Variants in CTPS2 observed in about 807,000 individuals in gnomAD.
The protein encoded by CTPS2 is CTP synthase 2, also known as CTP synthase II.
CTPS2 carries 19 observed loss-of-function variants against 46.8 expected under a neutral mutation model. That is an observed-to-expected ratio of 0.41 (90% CI 0.28 to 0.60). CTPS2 has a LOEUF of 0.60. Among genes scored for constraint, CTPS2 ranks in the 20% least tolerant of loss-of-function variants. The pLI is 0.35. For missense variants in CTPS2, 286 were observed against 447.6 expected (o/e 0.64, Z 3.26); for synonymous variants, 151 against 165.2 (o/e 0.91, Z 0.66).
At chrX:16,710,762 G>A (rs933148717) in intron 1 of CTPS2, among the ~76,000 whole-genome samples, 1 of 111,564 alleles carries the variant, frequency 9.0e-6, no homozygotes, top group African/African-American at 3.3e-5. Context: ...GGGACTACAG[G>A]TGCATGCCAC....
intron 17 of CTPS2, among the ~76,000 whole-genome samples, chrX:16,597,465 C>G (rs146952410): frequency 0.094 from 10,456 of 111,468 alleles, 878 homozygotes; most frequent in African/African-American, 0.26. Flanking sequence ...TTTCCCCATT[C>G]CTTGTTTTTC....
chrX:16,657,929 G>T (rs1445830172), intron 13 of CTPS2, among the ~76,000 whole-genome samples: 1 of 111,722 alleles, frequency 9.0e-6, no homozygotes, highest in Non-Finnish European at 1.9e-5. Context: ...AAGGTGGCCG[G>T]GCGCAGTGGC....
intron 13 of CTPS2, among the ~76,000 whole-genome samples, chrX:16,643,890 G>A (rs779548162): frequency 1.8e-5 from 2 of 111,040 alleles, no homozygotes; most frequent in Non-Finnish European, 3.8e-5. Context: ...CTTTTCCCAA[G>A]ATACCTTCTC....
rs145180696 is a variant in CTPS2, at chrX:16,644,045, T to C, written c.1297-4802A>G. ...TAACTCATAGTAGGAGACTGAATAATGCCTCCCCTACCCTAAAGATATCCG... is the reference window on the plus strand; with the variant it reads ...TAACTCATAGTAGGAGACTGAATAACGCCTCCCCTACCCTAAAGATATCCG... On this transcript the variant is annotated intron_variant, in intron 13 of 18. Transcript: ENST00000359276. Among the ~76,000 whole-genome samples, 387 of 111,804 alleles carry C rather than the reference T, an allele frequency of 3.5e-3. 2 individuals are homozygous for C. The highest frequency in any genetic ancestry group is 0.011 in the African/African-American group (352 of 30,835).
chrX:16,670,231 G>C (rs1921630328), intron 11 of CTPS2, among the ~76,000 whole-genome samples: 1 of 111,908 alleles, frequency 8.9e-6, no homozygotes, highest in Non-Finnish European at 1.9e-5. Context: ...AGTTCTCCTA[G>C]GATGAGAAAC....
At chrX:16,615,366 T>C (rs768981137) in intron 16 of CTPS2, among the ~76,000 whole-genome samples, 2 of 111,181 alleles carry the variant, frequency 1.8e-5, no homozygotes, top group African/African-American at 3.3e-5. Context: ...AAAGCAGCCA[T>C]AGACAAGACA....
chrX:16,598,782 T>C (rs1460755680), intron 17 of CTPS2, among the ~76,000 whole-genome samples: 4 of 111,445 alleles, frequency 3.6e-5, no homozygotes, highest in East Asian at 2.8e-4. Context: ...CCAATATCCT[T>C]GATGAACATT....
intron 14 of CTPS2, among the ~76,000 whole-genome samples, chrX:16,628,881 G>C (rs1602160172): frequency 8.9e-6 from 1 of 111,965 alleles, no homozygotes; most frequent in Admixed American, 9.5e-5. Context: ...TTTGCCCCAA[G>C]CTTTGAGAAG....
intron 16 of CTPS2, among the ~76,000 whole-genome samples, chrX:16,610,292 C>T: frequency 9.0e-6 from 1 of 110,941 alleles, no homozygotes; most frequent in Non-Finnish European, 1.9e-5. Context: ...ATGACTCAAA[C>T]TAAAGATAAT....
chrX:16,627,323 G>A (rs1057168435), intron 14 of CTPS2, among the ~76,000 whole-genome samples: 10 of 112,415 alleles, frequency 8.9e-5, no homozygotes, highest in Admixed American at 1.9e-4. Context: ...AAGATCCTAA[G>A]AGGCTGCCCA....
At chrX:16,606,342 C>T (rs1233261399) in intron 17 of CTPS2, among the ~76,000 whole-genome samples, 2 of 112,036 alleles carry the variant, frequency 1.8e-5, no homozygotes, top group Non-Finnish European at 3.8e-5. Context: ...CTTTTCAAAG[C>T]TCACTAATCT....
rs1922879288 is a variant in CTPS2 at position 16,683,159 on chromosome X, A to C, written c.940T>G (p.Tyr314Asp). 8.3e-7 allele frequency: 1 copy of C among 1,208,140 alleles called. No individual in the cohort carries two copies. The highest frequency in any genetic ancestry group is 1.1e-6 in the Non-Finnish European group (1 of 893,530). ...VGKYTKLRDC[Y>D]ASVFKALEHS... ...TCCAGGGCTTTGAACACAGAGGCGT[A>C]GCAGTCTCTGAGCTTGGTGTATTTG... The change falls in exon 9 of 19, where the codon TAC becomes GAC. Residue 314 changes from tyrosine to aspartate, a missense_variant. Transcript: ENST00000359276.
intron 10 of CTPS2, among the ~76,000 whole-genome samples, chrX:16,675,079 A>T (rs1179938417): frequency 9.1e-6 from 1 of 109,666 alleles, no homozygotes; most frequent in Non-Finnish European, 1.9e-5. Context: ...CAGCCTGGCC[A>T]ACATGGTGAA....
At position 16,620,370 on chromosome X, in the gene CTPS2, G is replaced by A. The variant is rs6629159; in HGVS notation, c.1394-38C>T. On this transcript the variant is annotated intron_variant, in intron 14 of 18. Coordinates refer to ENST00000359276, the MANE Select transcript of CTPS2 (RefSeq NM_175859.3). ...AAGAGCGAGATTAATATTAGAGTAA[G>A]CAGCTTCACAAGCACATCCATGATG... The A allele has an allele frequency of 2.9e-6, 3 of 1,041,939 alleles. No individual in the cohort carries two copies. In the African/African-American group the frequency reaches 5.5e-5, roughly 19 times the overall value. 85.9% of individuals were successfully genotyped at this position (1,041,939 alleles called of 1,213,427 possible).
intron 13 of CTPS2, among the ~76,000 whole-genome samples, chrX:16,647,402 G>T (rs1363947429): frequency 1.9e-5 from 2 of 107,236 alleles, no homozygotes; most frequent in African/African-American, 6.8e-5. Flanking sequence ...CGAGTAGCTG[G>T]AATTACAAAC....
intron 1 of CTPS2, 89 bp downstream of exon 1, chrX:16,712,246 G>T (rs1925520968): frequency 8.9e-6 from 1 of 112,522 alleles, no homozygotes; most frequent in South Asian, 3.6e-4. Flanking sequence ...ACCGGGGCTG[G>T]GGGTGCAGGG....
At chrX:16,702,495 A>C (rs182805692) in intron 2 of CTPS2, among the ~76,000 whole-genome samples, 74 of 112,730 alleles carry the variant, frequency 6.6e-4, no homozygotes, top group African/African-American at 2.2e-3. Flanking sequence ...CACTACCTTT[A>C]TGTTAAAAAT....
chrX:16,624,179 G>A lies in CTPS2; in HGVS notation c.1394-3847C>T, dbSNP rs189375018. On this transcript the variant is annotated intron_variant, in intron 14 of 18. Coordinates refer to ENST00000359276, the MANE Select transcript of CTPS2 (RefSeq NM_175859.3). ...AATGAAATCAACATACAACAGATAC[G>A]ATATACAATGAAACATGTTTTCAGA... Among the ~76,000 whole-genome samples, 228 of 110,894 alleles carry A rather than the reference G, an allele frequency of 2.1e-3. 2 individuals carry two copies. Among genetic ancestry groups the A allele is most frequent in the African/African-American group, 7.0e-3 (213 of 30,547 alleles).
Position 16,609,544 on chromosome X carries a change from G to C in CTPS2, c.1688C>G (p.Ser563Cys), listed in dbSNP as rs1305835904. The C allele has an allele frequency of 8.3e-7, 1 of 1,211,073 alleles. No homozygotes were observed. The highest frequency in any genetic ancestry group is 2.2e-5 in the Admixed American group (1 of 46,002). Reference protein sequence around the residue: ...AYLQQGCKLSSSDRYSDASDD... With the variant: ...AYLQQGCKLSCSDRYSDASDD... ...CTAAGAGCAGTAAGCTGGTTACCTG[G>C]AAGACAGTTTGCAACCCTGTTGCAA... is the stretch of plus-strand genomic sequence containing the variant. The change falls in exon 17 of 19, where the codon TCC becomes TGC. Residue 563 changes from serine to cysteine, a missense_variant. By Grantham distance (112) the Ser-to-Cys change is moderately radical. Coordinates refer to ENST00000359276, the MANE Select transcript of CTPS2 (RefSeq NM_175859.3).
Sources: gnomAD v4.1 joint callset for allele counts (sites outside exome capture counted in the v4.1 genomes callset) on GRCh38, gnomAD v4.1.1 for gene constraint, MANE v1.5 for transcripts, NCBI Gene and HGNC (gene_info 2026-07-23, HGNC 2026-07-21) for gene names.